The following ADGRL3 variants were observed in gnomAD, a reference collection of about 807,000 sequenced individuals.
The protein encoded by ADGRL3 is calcium-independent alpha-latrotoxin receptor 3.
In ADGRL3, 62 loss-of-function variants were observed where a neutral mutation model predicts 153.5. The observed-to-expected ratio is 0.40, with a 90% CI of 0.33 to 0.50. ADGRL3 has a LOEUF of 0.50. Among genes scored for constraint, ADGRL3 ranks in the 20% least tolerant of loss-of-function variants. The pLI is 0.47. For synonymous variants in ADGRL3, 710 were observed against 672.5 expected, an observed-to-expected ratio of 1.06 and a Z score of -0.86; for missense variants, 1,641 against 1,859.4, an observed-to-expected ratio of 0.88 and a Z score of 2.16.
chr4:61,266,977 T>C (rs1326165524), intron 1 of ADGRL3, among the ~76,000 whole-genome samples: 3 of 151,742 alleles, frequency 2.0e-5, no homozygotes, highest in Non-Finnish European at 4.4e-5. Context: ...TTCCAAATAT[T>C]TTAAATTTAG....
intron 17 of ADGRL3, among the ~76,000 whole-genome samples, chr4:61,971,130 T>A (rs1172384937): frequency 1.3e-5 from 2 of 151,778 alleles, no homozygotes; most frequent in African/African-American, 2.4e-5. Context: ...ATTTAATTTT[T>A]TAAATTTTTT....
At chr4:61,687,134 AT>A (rs887516186) in intron 6 of ADGRL3, among the ~76,000 whole-genome samples, 219 of 149,602 alleles carry the variant, frequency 1.5e-3, no homozygotes, top group Middle Eastern at 6.9e-3. Flanking sequence ...TAATTGCCCA[AT>A]TTTTTTTTTC....
chr4:61,903,871 G>T (rs947992269), intron 11 of ADGRL3, among the ~76,000 whole-genome samples: 2 of 151,962 alleles, frequency 1.3e-5, no homozygotes, highest in South Asian at 2.1e-4. Flanking sequence ...CTCTCGGGAT[G>T]AAACAATTCT....
At chr4:61,558,194 A>ATG in intron 4 of ADGRL3, among the ~76,000 whole-genome samples, 1 of 145,694 alleles carries the variant, frequency 6.9e-6, no homozygotes, top group African/African-American at 2.5e-5. Flanking sequence ...ATATATATAT[A>ATG]TGATTTACAC....
intron 5 of ADGRL3, among the ~76,000 whole-genome samples, chr4:61,636,681 G>C (rs765256455): frequency 8.6e-5 from 13 of 151,542 alleles, no homozygotes; most frequent in Admixed American, 5.9e-4. Flanking sequence ...TCAGAGAATC[G>C]TATGTAAATA....
chr4:61,402,702 C>G (rs1202700904), intron 2 of ADGRL3, among the ~76,000 whole-genome samples: 1 of 152,036 alleles, frequency 6.6e-6, no homozygotes, highest in Non-Finnish European at 1.5e-5. Context: ...AGAAGTCACC[C>G]TTCTTCCCTC....
chr4:62,054,963 A>G (rs188925608), intron 25 of ADGRL3, among the ~76,000 whole-genome samples: 3 of 151,894 alleles, frequency 2.0e-5, no homozygotes, highest in East Asian at 3.9e-4. Flanking sequence ...CAGTCTGACA[A>G]TGCTAAATCC....
At chr4:61,979,909 C>T in intron 18 of ADGRL3, 137 bp downstream of exon 18, 1 of 727,178 alleles carries the variant, frequency 1.4e-6, no homozygotes, top group Admixed American at 2.8e-5. Context: ...TCAGGCCTTA[C>T]TCAGTTTTCC....
At chr4:61,728,584 A>G (rs971580725) in intron 6 of ADGRL3, among the ~76,000 whole-genome samples, 4 of 152,092 alleles carry the variant, frequency 2.6e-5, no homozygotes, top group Non-Finnish European at 5.9e-5. Context: ...ATTGTCTATG[A>G]GTTTTATGTT....
At chr4:62,003,607 G>A (rs561901758) in intron 21 of ADGRL3, among the ~76,000 whole-genome samples, 9 of 152,232 alleles carry the variant, frequency 5.9e-5, no homozygotes, top group Non-Finnish European at 1.2e-4. Context: ...TTTGTTGCCC[G>A]TAGAGGATGG....
At position 62,070,604 on chromosome 4, in the gene ADGRL3, A is replaced by G; in HGVS notation, c.4328A>G (p.Asp1443Gly). Residue 1443 changes from aspartate (D) to glycine (G), a missense_variant, in exon 27 of 27, where the codon GAT (aspartate) becomes GGT (glycine). Coordinates refer to ENST00000683033, the MANE Select transcript of ADGRL3 (RefSeq NM_001387552.1). ...FPLLTNEHTE[D>G]LQSPHRDSLY... ...TTGCTAACCAACGAGCACACAGAAG[A>G]TCTCCAGTCACCCCATAGAGACTCT... 6.4e-7 allele frequency: 1 copy of G among 1,551,598 alleles called. No individual in the cohort carries two copies.
chr4:61,519,545 G>A (rs1227348975), intron 4 of ADGRL3, among the ~76,000 whole-genome samples: 7 of 152,112 alleles, frequency 4.6e-5, no homozygotes, highest in Non-Finnish European at 8.8e-5. Flanking sequence ...AGGAGACAGA[G>A]AATAAAGGTC....
At chr4:61,515,834 G>T (rs2098490414) in intron 3 of ADGRL3, among the ~76,000 whole-genome samples, 1 of 152,078 alleles carries the variant, frequency 6.6e-6, no homozygotes, top group South Asian at 2.1e-4. Context: ...TGAAGAGAGG[G>T]ATATCTTAGG....
intron 1 of ADGRL3, among the ~76,000 whole-genome samples, chr4:61,350,374 A>C (rs1284474907): frequency 6.9e-6 from 1 of 145,224 alleles, no homozygotes; most frequent in Non-Finnish European, 1.5e-5. Context: ...TATCTGGGGA[A>C]ATGTACATCT....
At chr4:62,015,096 C>T (rs1001694870) in intron 21 of ADGRL3, among the ~76,000 whole-genome samples, 3 of 152,166 alleles carry the variant, frequency 2.0e-5, no homozygotes, top group Non-Finnish European at 4.4e-5. Flanking sequence ...AATGTGCAGA[C>T]AGTATAGTGG....
chr4:61,990,977 TGTGTGTGTG>T (rs2099101775), intron 19 of ADGRL3, among the ~76,000 whole-genome samples: 1 of 138,218 alleles, frequency 7.2e-6, no homozygotes, highest in African/African-American at 2.5e-5. Context: ...TGTGTGTGTG[TGTGTGTGTG>T]TGTGTACGTA....
At chr4:61,679,071 A>T (rs1282539821) in intron 6 of ADGRL3, among the ~76,000 whole-genome samples, 1 of 152,042 alleles carries the variant, frequency 6.6e-6, no homozygotes, top group Non-Finnish European at 1.5e-5. Context: ...AAAGAGGTTT[A>T]TTTGGCTCAC....
chr4:61,291,063 C>A (rs1203448630), intron 1 of ADGRL3, among the ~76,000 whole-genome samples: 1 of 151,728 alleles, frequency 6.6e-6, no homozygotes, highest in African/African-American at 2.4e-5. Flanking sequence ...AAGATTACTG[C>A]CTATGCCATT....
chr4:61,517,977 A>G (rs2098507852), intron 4 of ADGRL3, among the ~76,000 whole-genome samples: 1 of 152,162 alleles, frequency 6.6e-6, no homozygotes, highest in Admixed American at 6.5e-5. Context: ...TTAAAGCGTA[A>G]AACTTGGTAA....
Sources: allele counts gnomAD v4.1 joint callset (sites outside exome capture counted in the v4.1 genomes callset), GRCh38; gene constraint gnomAD v4.1.1; transcripts MANE v1.5; gene names NCBI Gene and HGNC (gene_info 2026-07-23, HGNC 2026-07-21).